SPECC1: variants seen among roughly 807,000 people sequenced by gnomAD.
The protein encoded by SPECC1 is cytospin-B.
In SPECC1, 62 loss-of-function variants were observed where a neutral mutation model predicts 104.1. The observed-to-expected ratio is 0.60, with a 90% CI of 0.49 to 0.74. The LOEUF (loss-of-function observed/expected upper bound fraction) is 0.74. Among genes scored for constraint, SPECC1 ranks in the 30% least tolerant of loss-of-function variants. The probability of loss-of-function intolerance (pLI) is 0.00; values close to 1 mark genes in which losing one functional copy is unlikely to be tolerated. For synonymous variants in SPECC1, 513 were observed against 501.6 expected (o/e 1.02, Z -0.30); for missense variants, 1,306 against 1,310.5 (o/e 1.00, Z 0.05).
At chr17:20,028,483 A>G (rs990296086) in intron 1 of SPECC1, among the ~76,000 whole-genome samples, 5 of 152,042 alleles carry the variant, frequency 3.3e-5, no homozygotes, top group Non-Finnish European at 7.4e-5. Flanking sequence ...AAAAAGAAAA[A>G]AAAAAAGAAA....
At chr17:20,107,530 C>A (rs944901027) in intron 2 of SPECC1, among the ~76,000 whole-genome samples, 1 of 150,126 alleles carries the variant, frequency 6.7e-6, no homozygotes, top group Admixed American at 6.7e-5. Context: ...GATCTCGGCT[C>A]ACTGTAACCT....
intron 3 of SPECC1, among the ~76,000 whole-genome samples, chr17:20,167,139 T>C (rs2033719917): frequency 6.8e-6 from 1 of 147,804 alleles, no homozygotes; most frequent in Admixed American, 6.8e-5. Context: ...TGTATATATA[T>C]ATTATATTAT....
intron 1 of SPECC1, among the ~76,000 whole-genome samples, chr17:20,052,407 A>C (rs577944428): frequency 6.6e-6 from 1 of 152,248 alleles, no homozygotes; most frequent in Non-Finnish European, 1.5e-5. Context: ...ATACCTCTGA[A>C]AGGTCATACA....
rs764076654 is a variant in SPECC1, at chr17:20,232,386, A to G, written c.2332A>G (p.Thr778Ala). ...GDVQGHGRVV[T>A]SRAAPPPVDE... ...TGTGCAGGGCCACGGCAGGGTGGTC[A>G]CCAGCAGAGCCGCCCCTCCGTGAGT... Residue 778 changes from threonine (T) to alanine (A), a missense_variant, in exon 7 of 15, where the codon ACC becomes GCC. Thr to Ala is a moderately conservative substitution (Grantham distance 58). Around this residue, in one of 2 missense-constraint regions of SPECC1, gnomAD observed 1,177 missense variants for 1,139.9 expected, o/e 1.03. Transcript: ENST00000395527. The G allele has an allele frequency of 4.3e-6, 7 of 1,611,126 alleles. No individual in the cohort carries two copies. The highest frequency in any genetic ancestry group is 2.2e-5 in the East Asian group (1 of 44,814).
At chr17:20,308,961 C>T (rs1333195593) in intron 14 of SPECC1, among the ~76,000 whole-genome samples, 1 of 152,046 alleles carries the variant, frequency 6.6e-6, no homozygotes, top group African/African-American at 2.4e-5. Context: ...ATATCTTTTT[C>T]TTAATTTTCA....
chr17:20,027,331 C>G (rs1479629474), intron 1 of SPECC1, among the ~76,000 whole-genome samples: 2 of 151,994 alleles, frequency 1.3e-5, no homozygotes, highest in Non-Finnish European at 2.9e-5. Context: ...GATACTAGTC[C>G]CTTGATGGAT....
At chr17:20,023,338 A>G (rs1038514926) in intron 1 of SPECC1, among the ~76,000 whole-genome samples, 10 of 152,202 alleles carry the variant, frequency 6.6e-5, no homozygotes, top group Non-Finnish European at 1.2e-4. Flanking sequence ...GCAAGGTTAT[A>G]CATAACATTT....
intron 5 of SPECC1, among the ~76,000 whole-genome samples, chr17:20,230,883 C>T (rs2038530966): frequency 6.6e-6 from 1 of 152,062 alleles, no homozygotes; most frequent in South Asian, 2.1e-4. Flanking sequence ...GCATTGATTC[C>T]AGACACAAAC....
chr17:20,279,007 G>A (rs2040668185), intron 12 of SPECC1, among the ~76,000 whole-genome samples: 1 of 152,152 alleles, frequency 6.6e-6, no homozygotes, highest in African/African-American at 2.4e-5. Flanking sequence ...AAGTATGCCA[G>A]CAGCTGCTGC....
intron 1 of SPECC1, among the ~76,000 whole-genome samples, chr17:20,049,040 T>G (rs1334824850): frequency 6.6e-6 from 1 of 152,130 alleles, no homozygotes; most frequent in Non-Finnish European, 1.5e-5. Context: ...AGCTCCCAGT[T>G]CCCAGCCCCA....
At chr17:20,107,335 G>T (rs1285763048) in intron 2 of SPECC1, among the ~76,000 whole-genome samples, 1 of 151,686 alleles carries the variant, frequency 6.6e-6, no homozygotes, top group Non-Finnish European at 1.5e-5. Flanking sequence ...ATCAGGCTGG[G>T]AGTGGTGGCT....
At chr17:20,239,763 GAA>G (rs2039106897) in intron 7 of SPECC1, among the ~76,000 whole-genome samples, 1 of 151,346 alleles carries the variant, frequency 6.6e-6, no homozygotes, top group South Asian at 2.1e-4. Context: ...TTTCACTCTT[GAA>G]CATGCCCATC....
At chr17:20,246,927 A>G (rs1212172629) in intron 8 of SPECC1, among the ~76,000 whole-genome samples, 3 of 152,174 alleles carry the variant, frequency 2.0e-5, no homozygotes, top group African/African-American at 7.2e-5. Context: ...ATGAATTAAC[A>G]ATTTGTACAA....
In SPECC1 at chr17:20,158,735, A is replaced by G. The variant is rs1359961424; in HGVS notation, c.284-45598A>G. Among the ~76,000 whole-genome samples the G allele has an allele frequency of 2.0e-5, 3 of 152,310 alleles. No individual in the cohort carries two copies. The East Asian group carries it at 5.8e-4, about 29-fold the overall frequency. On this transcript the variant is annotated intron_variant, in intron 3 of 14. Coordinates refer to ENST00000395527, the MANE Select transcript of SPECC1 (RefSeq NM_001243439.2). Reference sequence around the variant, plus strand: ...GCTGTCAGCCCTCTGCAGTCCTTGCAGATGAATGGCAAGTTCGGTTTTTTT... The same window carrying G: ...GCTGTCAGCCCTCTGCAGTCCTTGCGGATGAATGGCAAGTTCGGTTTTTTT...
chr17:20,161,642 G>A (rs1161346950), intron 3 of SPECC1, among the ~76,000 whole-genome samples: 1 of 151,894 alleles, frequency 6.6e-6, no homozygotes, highest in Non-Finnish European at 1.5e-5. Flanking sequence ...GAAAGGAGTT[G>A]GTATGAATAT....
intron 3 of SPECC1, among the ~76,000 whole-genome samples, chr17:20,198,609 C>T (rs1015075043): frequency 3.9e-5 from 6 of 152,198 alleles, no homozygotes; most frequent in African/African-American, 1.4e-4. Context: ...AGTGCCAAAC[C>T]TGTTCTTACC....
chr17:20,088,578 G>A (rs62067528), intron 1 of SPECC1, among the ~76,000 whole-genome samples: 391 of 152,256 alleles, frequency 2.6e-3, no homozygotes, highest in South Asian at 4.6e-3. Context: ...CTAAAAGGAG[G>A]GGATAAAACA....
intron 11 of SPECC1, among the ~76,000 whole-genome samples, chr17:20,258,801 A>G (rs1038181958): frequency 6.6e-6 from 1 of 152,264 alleles, no homozygotes; most frequent in Non-Finnish European, 1.5e-5. Flanking sequence ...AACACCTGGC[A>G]CATTGACATA....
intron 12 of SPECC1, among the ~76,000 whole-genome samples, chr17:20,294,839 TGGACAGAAA>T (rs2142008586): frequency 6.6e-6 from 1 of 152,244 alleles, no homozygotes; most frequent in East Asian, 1.9e-4. Context: ...TCCTGAGGGA[TGGACAGAAA>T]TCCTCTACTG....
Sources: allele counts gnomAD v4.1 joint callset (sites outside exome capture counted in the v4.1 genomes callset), GRCh38; gene constraint gnomAD v4.1.1; regional missense constraint gnomAD v4.1.1; transcripts MANE v1.5; gene names NCBI Gene and HGNC (gene_info 2026-07-23, HGNC 2026-07-21).